Variants in KCNH8 observed in about 807,000 individuals in gnomAD.
KCNH8 encodes voltage-gated delayed rectifier potassium channel KCNH8.
In KCNH8, 70 loss-of-function variants were observed where a neutral mutation model predicts 103.6. The observed-to-expected ratio is 0.68, with a 90% CI of 0.56 to 0.82. The LOEUF is 0.82. Among genes scored for constraint, KCNH8 ranks in the 40% least tolerant of loss-of-function variants. The pLI, the probability that KCNH8 is intolerant of heterozygous loss-of-function variation, is 0.00. For synonymous variants in KCNH8, 498 were observed against 489.4 expected (o/e 1.02, Z -0.23); for missense variants, 1,217 against 1,329.9 (o/e 0.92, Z 1.32).
intron 1 of KCNH8, 107 bp from the exon 2 acceptor site, chr3:19,253,547 C>G (rs969043260): frequency 3.5e-6 from 3 of 868,032 alleles, no homozygotes; most frequent in Admixed American, 2.0e-5. Flanking sequence ...TCAGAATGTG[C>G]CTTTTGGCAG....
intron 3 of KCNH8, among the ~76,000 whole-genome samples, chr3:19,293,986 A>C (rs1377339738): frequency 6.6e-6 from 1 of 152,174 alleles, no homozygotes; most frequent in African/African-American, 2.4e-5. Context: ...TGCATTTCTC[A>C]GGTGCACATT....
rs1275175860 is a variant in KCNH8 at position 19,437,929 on chromosome 3, C to T, written c.1178-235C>T. Among the ~76,000 whole-genome samples the T allele has an allele frequency of 2.0e-5, 3 of 152,148 alleles. No homozygotes were observed. In the East Asian group the frequency reaches 5.8e-4, roughly 29 times the overall value. ...AACTTGTTTAGCTTTGACCATCAAT[C>T]CACTCTGGAATTCATATTTATATGC... On this transcript the variant is annotated intron_variant, in intron 7 of 15. Coordinates refer to ENST00000328405, the MANE Select transcript of KCNH8 (RefSeq NM_144633.3).
chr3:19,211,077 A>T (rs926827801), intron 1 of KCNH8, among the ~76,000 whole-genome samples: 1 of 152,162 alleles, frequency 6.6e-6, no homozygotes, highest in African/African-American at 2.4e-5. Context: ...ACATATTTTC[A>T]TTAGTTTTCT....
intron 1 of KCNH8, among the ~76,000 whole-genome samples, chr3:19,250,104 A>G (rs1288962767): frequency 6.6e-6 from 1 of 152,132 alleles, no homozygotes; most frequent in African/African-American, 2.4e-5. Flanking sequence ...TTAACGTATA[A>G]TCTCTACAGA....
chr3:19,406,760 A>G (rs1377983436), intron 7 of KCNH8, among the ~76,000 whole-genome samples: 2 of 152,156 alleles, frequency 1.3e-5, no homozygotes, highest in African/African-American at 4.8e-5. Context: ...CTAAATCCCT[A>G]ATTTTACTTG....
chr3:19,367,547 A>G (rs959821079), intron 5 of KCNH8, among the ~76,000 whole-genome samples: 1 of 150,686 alleles, frequency 6.6e-6, no homozygotes, highest in African/African-American at 2.4e-5. Flanking sequence ...AATTCCACCA[A>G]CAAATATAGT....
intron 9 of KCNH8, 107 bp downstream of exon 9, chr3:19,450,412 T>C (rs1270895862): frequency 1.2e-6 from 1 of 833,556 alleles, no homozygotes; most frequent in East Asian, 2.6e-5. Flanking sequence ...CCAACTTCTT[T>C]ATTCCTTTAC....
chr3:19,331,099 T>C (rs2065498681), intron 3 of KCNH8, among the ~76,000 whole-genome samples: 1 of 152,032 alleles, frequency 6.6e-6, no homozygotes, highest in Non-Finnish European at 1.5e-5. Context: ...AATTCATACT[T>C]TGTATCATTT....
intron 1 of KCNH8, among the ~76,000 whole-genome samples, chr3:19,249,223 A>C (rs1345415138): frequency 6.6e-6 from 1 of 152,200 alleles, no homozygotes; most frequent in Non-Finnish European, 1.5e-5. Context: ...TCTAAAGTAA[A>C]TGTCATGTTT....
rs142546909 is a variant in KCNH8 at position 19,415,312 on chromosome 3, A to G, written c.1177+20001A>G. 2.4e-4 allele frequency among the ~76,000 whole-genome samples: 36 copies of G among 152,004 alleles called. 1 individual carries two copies. In the East Asian group the frequency reaches 6.9e-3, roughly 29 times the overall value. ...CAGGTAAGAAAACACACCATAGACT[A>G]AATAACTTGTCCTAAATCACAATCA... On this transcript the variant is annotated intron_variant, in intron 7 of 15. Coordinates refer to ENST00000328405, the MANE Select transcript of KCNH8 (RefSeq NM_144633.3).
chr3:19,387,900 A>G (rs1000174174), intron 5 of KCNH8, among the ~76,000 whole-genome samples: 1 of 151,318 alleles, frequency 6.6e-6, no homozygotes, highest in Non-Finnish European at 1.5e-5. Context: ...CTTTAAACGA[A>G]TATTCTCTAA....
chr3:19,523,633 A>G (rs2069011126), intron 15 of KCNH8, among the ~76,000 whole-genome samples: 2 of 151,952 alleles, frequency 1.3e-5, no homozygotes. Flanking sequence ...TGAAAGATAA[A>G]AACATCATTT....
intron 5 of KCNH8, among the ~76,000 whole-genome samples, chr3:19,355,566 A>C (rs897197812): frequency 2.6e-5 from 4 of 152,218 alleles, no homozygotes; most frequent in African/African-American, 9.6e-5. Flanking sequence ...AAAAAGGATG[A>C]GTTCATGTCC....
At chr3:19,494,439 T>C (rs1243677672) in intron 11 of KCNH8, among the ~76,000 whole-genome samples, 1 of 152,200 alleles carries the variant, frequency 6.6e-6, no homozygotes, top group East Asian at 1.9e-4. Context: ...CTGTCATCCA[T>C]ATAAGATGTG....
At position 19,533,663 on chromosome 3, in the gene KCNH8, C is replaced by T. The variant is rs1268550015; in HGVS notation, c.2888C>T (p.Pro963Leu). ...ACCTCAGACATTTGGAGTGTGGATC[C>T]CTCCTCTGTGGGGAGCAGCCCCCAA... ...NITSDIWSVD[P>L]SSVGSSPQRT... The change falls in exon 16 of 16, where the codon CCC becomes CTC. Residue 963 changes from proline (P) to leucine (L), a missense_variant. By Grantham distance (98) the Pro-to-Leu change is moderately conservative. Around this residue, in one of 3 missense-constraint regions of KCNH8, gnomAD observed 558 missense variants for 495.8 expected, o/e 1.13. Coordinates refer to ENST00000328405, the MANE Select transcript of KCNH8 (RefSeq NM_144633.3). 1 of 1,613,718 alleles carries T rather than the reference C, an allele frequency of 6.2e-7. No homozygotes were observed. Among genetic ancestry groups the T allele is most frequent in the Non-Finnish European group, 8.5e-7 (1 of 1,179,878 alleles).
At chr3:19,203,217 T>C (rs2063681424) in intron 1 of KCNH8, among the ~76,000 whole-genome samples, 1 of 152,142 alleles carries the variant, frequency 6.6e-6, no homozygotes, top group African/African-American at 2.4e-5. Flanking sequence ...CTTGAAAATA[T>C]CTTGAGAAAT....
chr3:19,291,113 G>A (rs1264859773), intron 3 of KCNH8, among the ~76,000 whole-genome samples: 6 of 151,926 alleles, frequency 3.9e-5, no homozygotes, highest in East Asian at 3.9e-4. Context: ...TTTTTATTGC[G>A]TCTATTTGAT....
chr3:19,489,827 C>T (rs2068282008), intron 11 of KCNH8, among the ~76,000 whole-genome samples: 1 of 152,114 alleles, frequency 6.6e-6, no homozygotes, highest in Non-Finnish European at 1.5e-5. Flanking sequence ...CAAGCCAGGT[C>T]AAAACCAAAA....
Position 19,513,240 on chromosome 3 carries a change from C to A in KCNH8, c.2350C>A (p.Pro784Thr). The A allele has an allele frequency of 6.2e-7, 1 of 1,613,806 alleles. No homozygotes were observed. The highest frequency in any genetic ancestry group is 2.2e-5 in the East Asian group (1 of 44,868). Residue 784 changes from proline (P) to threonine (T), a missense_variant, in exon 13 of 16, where the codon CCC (proline) becomes ACC (threonine). Coordinates refer to ENST00000328405, the MANE Select transcript of KCNH8 (RefSeq NM_144633.3). The stretch of plus-strand genomic sequence containing the variant: ...CAAAACCAAGCAGGAAATTGACCCC[C>A]CCAACCATAATAAAAGGAAAGAGAA... The part of the protein sequence containing the change: ...SPKTKQEIDP[P>T]NHNKRKEKNL...
Sources: gnomAD v4.1 joint callset for allele counts (sites outside exome capture counted in the v4.1 genomes callset) on GRCh38, gnomAD v4.1.1 for gene constraint, gnomAD v4.1.1 regional missense constraint, MANE v1.5 for transcripts, NCBI Gene and HGNC (gene_info 2026-07-23, HGNC 2026-07-21) for gene names.